Variants in DNAH17 observed in about 807,000 individuals in gnomAD.
The protein encoded by DNAH17 is dynein axonemal heavy chain 17.
DNAH17 carries 376 observed loss-of-function variants against 485.6 expected under a neutral mutation model. That is an observed-to-expected ratio of 0.77 (90% confidence interval 0.71 to 0.84). The LOEUF is 0.84. Among genes scored for constraint, DNAH17 ranks in the 40% least tolerant of loss-of-function variants. The pLI is 0.00. For missense variants in DNAH17, 6,370 were observed against 5,839.3 expected, an observed-to-expected ratio of 1.09 and a Z score of -2.96; for synonymous variants, 3,031 against 2,405.9, an observed-to-expected ratio of 1.26 and a Z score of -7.60.
chr17:78,546,415 T>A (rs559729843), intron 16 of DNAH17, among the ~76,000 whole-genome samples: 1 of 152,352 alleles, frequency 6.6e-6, no homozygotes, highest in South Asian at 2.1e-4. Context: ...CTGTAACTAA[T>A]GTTTGCCCTT....
chr17:78,476,978 C>T (rs573959719), intron 51 of DNAH17, among the ~76,000 whole-genome samples: 2 of 152,288 alleles, frequency 1.3e-5, no homozygotes, highest in African/African-American at 4.8e-5. Flanking sequence ...GTTGGGGCCT[C>T]ATCCTCCAGA....
chr17:78,437,761 G>A lies in DNAH17; in HGVS notation c.11913C>T (p.Ala3971=), dbSNP rs2086898142. 1.2e-6 allele frequency: 2 copies of A among 1,612,520 alleles called. No individual in the cohort carries two copies. The highest frequency in any genetic ancestry group is 2.2e-5 in the East Asian group (1 of 44,888). ...GGATGATGTGGGTCTCGGGGCTGGGGGCAGGCTCCGCGCTGATGAACACCC... is the reference window on the plus strand; with the variant it reads ...GGATGATGTGGGTCTCGGGGCTGGGAGCAGGCTCCGCGCTGATGAACACCC... ...DYRVFISAEP[A]PSPETHIIPQ... Residue 3971 remains alanine (A), a synonymous_variant, in exon 74 of 81, where the codon GCC becomes GCT. Transcript: ENST00000389840.
intron 75 of DNAH17, among the ~76,000 whole-genome samples, chr17:78,430,173 G>A (rs1202528254): frequency 4.6e-5 from 7 of 152,202 alleles, no homozygotes; most frequent in Admixed American, 6.5e-5. Flanking sequence ...GCCTCCATGT[G>A]CCCGTTTTGG....
chr17:78,501,576 C>A, intron 34 of DNAH17, 166 bp downstream of exon 34: 1 of 1,084,760 alleles, frequency 9.2e-7, no homozygotes, highest in Non-Finnish European at 1.3e-6. Context: ...GTGTGTTGCT[C>A]ACCAGGGGTG....
In DNAH17 at chr17:78,492,385, G is replaced by C. The variant is rs532296275; in HGVS notation, c.6541+248C>G. On this transcript the variant is annotated intron_variant, in intron 42 of 80. Coordinates refer to ENST00000389840, the MANE Select transcript of DNAH17 (RefSeq NM_173628.4). ...TCTGCCCTCTCCCCTTGGCCTGCTC[G>C]GGGCAGGCCTGCAGTCCTCACCGTC... Among the ~76,000 whole-genome samples the C allele has an allele frequency of 2.6e-5, 4 of 152,082 alleles. No homozygotes were observed. The East Asian group carries it at 7.7e-4, about 29-fold the overall frequency.
chr17:78,546,973 T>C (rs2091781084), intron 16 of DNAH17, among the ~76,000 whole-genome samples: 1 of 151,992 alleles, frequency 6.6e-6, no homozygotes, highest in Admixed American at 6.6e-5. Flanking sequence ...TATGGTTAAC[T>C]TCCCTGCCCC....
intron 74 of DNAH17, among the ~76,000 whole-genome samples, chr17:78,435,876 G>A (rs1291501751): frequency 1.3e-5 from 2 of 152,202 alleles, no homozygotes; most frequent in East Asian, 3.8e-4. Context: ...CAGGGTGCAG[G>A]CCAAGGCAGG....
intron 44 of DNAH17, among the ~76,000 whole-genome samples, chr17:78,489,833 G>A (rs2089771891): frequency 9.1e-6 from 1 of 109,356 alleles, no homozygotes; most frequent in Non-Finnish European, 1.9e-5. Flanking sequence ...GCGGGAGGGT[G>A]AATGGATGGG....
intron 25 of DNAH17, among the ~76,000 whole-genome samples, chr17:78,521,761 C>T (rs1026102364): frequency 1.1e-4 from 16 of 152,068 alleles, no homozygotes; most frequent in African/African-American, 3.4e-4. Flanking sequence ...CCAAGGCGGG[C>T]GCATTGCCTG....
rs149671184 is a variant in DNAH17, at chr17:78,573,428, G to A, written c.346-534C>T. On this transcript the variant is annotated intron_variant, in intron 2 of 80. Coordinates refer to ENST00000389840, the MANE Select transcript of DNAH17 (RefSeq NM_173628.4). ...AGCCTGGCCAACATGGTGAAACCTC[G>A]TCTCTACTGAAAATATAAAAATTAG... Among the ~76,000 whole-genome samples, 46 of 151,976 alleles carry A rather than the reference G, an allele frequency of 3.0e-4. No homozygotes were observed. In the East Asian group the frequency reaches 7.4e-3, roughly 24 times the overall value.
chr17:78,533,613 G>A (rs1313137588), intron 19 of DNAH17, among the ~76,000 whole-genome samples: 2 of 152,184 alleles, frequency 1.3e-5, no homozygotes, highest in Non-Finnish European at 1.5e-5. Context: ...CTTATATACA[G>A]GACTGGAGAA....
Position 78,429,228 on chromosome 17 carries a change from G to C in DNAH17, c.12298C>G (p.Arg4100Gly). The C allele has an allele frequency of 6.2e-7, 1 of 1,613,918 alleles. No individual in the cohort carries two copies. Among genetic ancestry groups the C allele is most frequent in the South Asian group, 1.1e-5 (1 of 91,088 alleles). ...GCCAGGTAGGTCCTGCACAGCCGACGGTCCCAGTCATCTGTGATGTGGCCG... is the reference window on the plus strand; with the variant it reads ...GCCAGGTAGGTCCTGCACAGCCGACCGTCCCAGTCATCTGTGATGTGGCCG... ...YGGHITDDWD[R>G]RLCRTYLAEY... Residue 4100 changes from arginine (R) to glycine (G), a missense_variant, in exon 76 of 81, where the codon CGT (arginine) becomes GGT (glycine). Coordinates refer to ENST00000389840, the MANE Select transcript of DNAH17 (RefSeq NM_173628.4).
At chr17:78,491,775 G>A (rs1412403879) in intron 42 of DNAH17, among the ~76,000 whole-genome samples, 1 of 152,128 alleles carries the variant, frequency 6.6e-6, no homozygotes, top group Non-Finnish European at 1.5e-5. Context: ...CCATGCCTGA[G>A]GCCCTGCCTG....
rs760054356 is a variant in DNAH17 at position 78,454,566 on chromosome 17, C to T, written c.10310G>A (p.Arg3437Gln). The change falls in exon 64 of 81, where the codon CGG (arginine) becomes CAG (glutamine). Residue 3437 changes from arginine (R) to glutamine (Q), a missense_variant. Arg to Gln is a conservative substitution (Grantham distance 43). Transcript: ENST00000389840. ...CTGGGCGTCCACGATCAGCGGCCAC[C>T]GCTCGGTGTTGCCCAGGATGGTGGC... ...ENATILGNTERWPLIVDAQLQ... is the reference protein window; with the variant it reads ...ENATILGNTEQWPLIVDAQLQ... 37 of 1,613,108 alleles carry T rather than the reference C, an allele frequency of 2.3e-5. No individual in the cohort carries two copies. The highest frequency in any genetic ancestry group is 2.9e-5 in the Non-Finnish European group (34 of 1,179,860).
intron 51 of DNAH17, chr17:78,478,783 A>G (rs2089219654): frequency 2.1e-6 from 1 of 477,758 alleles, no homozygotes; most frequent in Admixed American, 3.9e-5. Flanking sequence ...CACCATCACT[A>G]TCATCATAAC....
chr17:78,542,999 G>A (rs570705463), intron 17 of DNAH17, among the ~76,000 whole-genome samples: 1 of 152,330 alleles, frequency 6.6e-6, no homozygotes, highest in East Asian at 1.9e-4. Context: ...GCTGGGCGAG[G>A]GCTCTGGTAC....
chr17:78,425,711 G>A, intron 79 of DNAH17, 140 bp from the exon 80 acceptor site: 1 of 675,202 alleles, frequency 1.5e-6, no homozygotes, highest in South Asian at 2.3e-5. Context: ...ACAGAGTAGG[G>A]GCCATGGAGC....
intron 24 of DNAH17, among the ~76,000 whole-genome samples, chr17:78,526,273 G>A (rs1017835308): frequency 6.6e-6 from 1 of 152,226 alleles, no homozygotes; most frequent in African/African-American, 2.4e-5. Flanking sequence ...GATGGCAGGT[G>A]AGTATTAAGC....
At chr17:78,436,942 G>C (rs1334415028) in intron 74 of DNAH17, among the ~76,000 whole-genome samples, 1 of 152,174 alleles carries the variant, frequency 6.6e-6, no homozygotes, top group Non-Finnish European at 1.5e-5. Context: ...GTCTGTGAGG[G>C]AAGAGTCAGG....
Sources: gnomAD v4.1 joint callset for allele counts (sites outside exome capture counted in the v4.1 genomes callset) on GRCh38, gnomAD v4.1.1 for gene constraint, MANE v1.5 for transcripts, NCBI Gene and HGNC (gene_info 2026-07-23, HGNC 2026-07-21) for gene names.